ANKRD33B: variants seen among roughly 807,000 people sequenced by gnomAD.
ANKRD33B encodes the protein ankyrin repeat domain-containing protein 33B.
ANKRD33B carries 6 observed loss-of-function variants against 21.5 expected under a neutral mutation model. The observed-to-expected ratio is 0.28, with a 90% confidence interval of 0.15 to 0.55. The LOEUF is 0.55. Among genes scored for constraint, ANKRD33B ranks in the 20% least tolerant of loss-of-function variants. The probability of loss-of-function intolerance (pLI) is 0.94; values close to 1 mark genes in which losing one functional copy is unlikely to be tolerated. For synonymous variants in ANKRD33B, 347 were observed against 342.4 expected, an observed-to-expected ratio of 1.01 and a Z score of -0.15; for missense variants, 698 against 747.2, an observed-to-expected ratio of 0.93 and a Z score of 0.77.
intron 2 of ANKRD33B, among the ~76,000 whole-genome samples, chr5:10,635,949 T>G (rs1346622354): frequency 6.6e-6 from 1 of 152,256 alleles, no homozygotes; most frequent in Non-Finnish European, 1.5e-5. Flanking sequence ...TGGAGGCTGC[T>G]GCAGCGTCAT....
intron 1 of ANKRD33B, among the ~76,000 whole-genome samples, chr5:10,617,491 C>T (rs1417434227): frequency 2.0e-5 from 3 of 152,232 alleles, no homozygotes; most frequent in Non-Finnish European, 4.4e-5. Flanking sequence ...TTCCAGAATC[C>T]AAATTCGCCT....
intron 1 of ANKRD33B, among the ~76,000 whole-genome samples, chr5:10,613,812 A>G (rs1441687527): frequency 2.6e-5 from 4 of 151,590 alleles, no homozygotes; most frequent in African/African-American, 9.7e-5. Flanking sequence ...AGGCAGGAGA[A>G]TTGCTTGAAC....
rs1028037817 is a variant in ANKRD33B at position 10,650,384 on chromosome 5, AT to A, written c.*279del. On this transcript the variant is annotated 3_prime_UTR_variant, in exon 4 of 4. Transcript: ENST00000296657. ...CTCCCTTTAGAGAACCTCAATTAAGATTTTTTTTAAAGATCAATTTATCAAA... is the reference window on the plus strand; with the variant it reads ...CTCCCTTTAGAGAACCTCAATTAAGATTTTTTTAAAGATCAATTTATCAAA... The A allele has an allele frequency of 2.5e-5, 7 of 281,158 alleles. No homozygotes were observed. The highest frequency in any genetic ancestry group is 8.8e-5 in the African/African-American group (4 of 45,314). 17.4% of individuals were successfully genotyped at this position (281,158 alleles called of 1,614,324 possible).
At chr5:10,629,471 GTGT>G (rs1237699457) in intron 2 of ANKRD33B, among the ~76,000 whole-genome samples, 1 of 152,124 alleles carries the variant, frequency 6.6e-6, no homozygotes, top group African/African-American at 2.4e-5. Context: ...GTGACTGGTG[GTGT>G]TCATCACTGA....
chr5:10,641,342 C>T (rs1403925146), intron 3 of ANKRD33B, among the ~76,000 whole-genome samples: 1 of 151,246 alleles, frequency 6.6e-6, no homozygotes, highest in Non-Finnish European at 1.5e-5. Context: ...GATTCTCCTG[C>T]CTCAGCCTCC....
intron 1 of ANKRD33B, among the ~76,000 whole-genome samples, chr5:10,584,010 C>T (rs918496350): frequency 2.6e-5 from 4 of 152,186 alleles, no homozygotes; most frequent in African/African-American, 9.7e-5. Context: ...CATCCTGCCA[C>T]GTTTACCCAG....
At chr5:10,585,342 C>G (rs563341094) in intron 1 of ANKRD33B, among the ~76,000 whole-genome samples, 2 of 152,344 alleles carry the variant, frequency 1.3e-5, no homozygotes, top group African/African-American at 4.8e-5. Flanking sequence ...GCCTACAGAG[C>G]TGGAACCTGA....
intron 1 of ANKRD33B, among the ~76,000 whole-genome samples, chr5:10,579,333 A>G (rs1458091843): frequency 6.6e-6 from 1 of 150,862 alleles, no homozygotes; most frequent in African/African-American, 2.4e-5. Context: ...AATAACATCC[A>G]AGAAGCCTGC....
At position 10,656,908 on chromosome 5, in the gene ANKRD33B, G is replaced by A. The variant is rs970205547; in HGVS notation, c.*6795G>A. On this transcript the variant is annotated 3_prime_UTR_variant, in exon 4 of 4. Coordinates refer to ENST00000296657, the MANE Select transcript of ANKRD33B (RefSeq NM_001164440.2). The stretch of plus-strand genomic sequence containing the variant: ...CTATGTATTAGACACTCTAATCAAT[G>A]CTAACACAGTTCAGTTTTTGAGGGA... 6.6e-6 allele frequency: 1 copy of A among 152,146 alleles called. No individual in the cohort carries two copies. The highest frequency in any genetic ancestry group is 6.6e-5 in the Admixed American group (1 of 15,264). 9.4% of individuals were successfully genotyped at this position (152,146 alleles called of 1,614,324 possible).
chr5:10,617,703 C>T (rs1172057163), intron 1 of ANKRD33B, among the ~76,000 whole-genome samples: 1 of 152,198 alleles, frequency 6.6e-6, no homozygotes, highest in African/African-American at 2.4e-5. Flanking sequence ...TGTCCACGGT[C>T]TCTGAGACCT....
intron 3 of ANKRD33B, among the ~76,000 whole-genome samples, chr5:10,645,541 C>T (rs190099579): frequency 8.7e-4 from 133 of 152,290 alleles, no homozygotes; most frequent in Non-Finnish European, 1.6e-3. Flanking sequence ...GAAAACAGGC[C>T]GCATTTCTCA....
chr5:10,625,282 A>G lies in ANKRD33B; in HGVS notation c.496+6820A>G, dbSNP rs372611134. 2.5e-5 allele frequency: 4 copies of G among 158,276 alleles called. No homozygotes were observed. The South Asian group carries it at 7.1e-4, about 28-fold the overall frequency. 9.8% of individuals were successfully genotyped at this position (158,276 alleles called of 1,614,324 possible). A position where few individuals can be genotyped will look rare whatever the true frequency, so the allele number is the denominator to read the frequency against. On this transcript the variant is annotated intron_variant, in intron 2 of 3. Coordinates refer to ENST00000296657, the MANE Select transcript of ANKRD33B (RefSeq NM_001164440.2). The stretch of plus-strand genomic sequence containing the variant: ...GCATATTTGCTTACAGCCAAAAATG[A>G]CTACAAAAGTATTATCAGGGAGGAA...
At position 10,651,164 on chromosome 5, in the gene ANKRD33B, A is replaced by T. The variant is rs1210959185; in HGVS notation, c.*1051A>T. On this transcript the variant is annotated 3_prime_UTR_variant, in exon 4 of 4. Coordinates refer to ENST00000296657, the MANE Select transcript of ANKRD33B (RefSeq NM_001164440.2). The stretch of plus-strand genomic sequence containing the variant: ...ATGGGGAACAGACTTGTTTTCGGCA[A>T]ATTCTCCTGGAGTAGACTGGGCAGC... 6.6e-6 allele frequency: 1 copy of T among 152,368 alleles called. No individual in the cohort carries two copies. Among genetic ancestry groups the T allele is most frequent in the East Asian group, 1.9e-4 (1 of 5,334 alleles). 9.4% of individuals were successfully genotyped at this position (152,368 alleles called of 1,614,324 possible).
intron 2 of ANKRD33B, among the ~76,000 whole-genome samples, chr5:10,620,367 T>C (rs151294565): frequency 6.6e-4 from 101 of 152,262 alleles, no homozygotes; most frequent in African/African-American, 2.4e-3. Context: ...CTGGCTATCA[T>C]GACTTTGAAA....
At chr5:10,630,249 G>A (rs139422883) in intron 2 of ANKRD33B, among the ~76,000 whole-genome samples, 4 of 152,322 alleles carry the variant, frequency 2.6e-5, no homozygotes, top group Admixed American at 1.3e-4. Context: ...TGGGCAAGTC[G>A]GGGACCTGTT....
intron 1 of ANKRD33B, among the ~76,000 whole-genome samples, chr5:10,582,292 C>T (rs183626624): frequency 1.3e-3 from 201 of 152,288 alleles, no homozygotes; most frequent in Admixed American, 2.2e-3. Flanking sequence ...CTGCAAAGTA[C>T]GGAGCTGGTC....
chr5:10,641,028 C>T (rs528937321), intron 3 of ANKRD33B, among the ~76,000 whole-genome samples: 3 of 152,266 alleles, frequency 2.0e-5, no homozygotes, highest in African/African-American at 7.2e-5. Context: ...GTCTGAAGTT[C>T]CAGCATAGGA....
At chr5:10,641,813 C>T (rs1467785248) in intron 3 of ANKRD33B, among the ~76,000 whole-genome samples, 1 of 148,422 alleles carries the variant, frequency 6.7e-6, no homozygotes, top group Non-Finnish European at 1.5e-5. Flanking sequence ...AAAAAAAAAA[C>T]ATAATTAAAA....
chr5:10,593,592 C>T (rs1735744566), intron 1 of ANKRD33B, among the ~76,000 whole-genome samples: 1 of 152,144 alleles, frequency 6.6e-6, no homozygotes, highest in South Asian at 2.1e-4. Context: ...TTCACCATGA[C>T]TCCAGCCCAA....
Sources: allele counts gnomAD v4.1 joint callset (sites outside exome capture counted in the v4.1 genomes callset), GRCh38; gene constraint gnomAD v4.1.1; transcripts MANE v1.5; gene names NCBI Gene and HGNC (gene_info 2026-07-23, HGNC 2026-07-21).